The following RUNX1 variants were observed in gnomAD, a reference collection of about 807,000 sequenced individuals.
The protein encoded by RUNX1 is RUNX family transcription factor 1, also known as runt-related transcription factor 1.
In RUNX1, 19 loss-of-function variants were observed where a neutral mutation model predicts 42.8. That is an observed-to-expected ratio of 0.44 (90% CI 0.31 to 0.65). The LOEUF (loss-of-function observed/expected upper bound fraction) is 0.65. RUNX1 is among the 30% of genes least tolerant of loss of function. The pLI is 0.07. For synonymous variants in RUNX1, 271 were observed against 289.4 expected, an observed-to-expected ratio of 0.94 and a Z score of 0.64; for missense variants, 528 against 672.0, an observed-to-expected ratio of 0.79 and a Z score of 2.37.
chr21:34,849,422 T>C (rs866659972), intron 6 of RUNX1, among the ~76,000 whole-genome samples: 1 of 73,354 alleles, frequency 1.4e-5, no homozygotes, highest in Non-Finnish European at 2.5e-5. Context: ...ATATATTATA[T>C]AGTATATATA....
chr21:34,941,248 C>T (rs2058524406), intron 2 of RUNX1, among the ~76,000 whole-genome samples: 1 of 152,216 alleles, frequency 6.6e-6, no homozygotes, highest in African/African-American at 2.4e-5. Context: ...GTGGTAGGAG[C>T]AGAGGGAGCT....
chr21:34,856,420 T>G, intron 6 of RUNX1: 1 of 518,902 alleles, frequency 1.9e-6, no homozygotes, highest in Non-Finnish European at 3.8e-6. Context: ...ATTTTAAATG[T>G]GAGGATACCG....
At chr21:34,921,821 A>G (rs894675427) in intron 2 of RUNX1, among the ~76,000 whole-genome samples, 4 of 151,820 alleles carry the variant, frequency 2.6e-5, no homozygotes, top group African/African-American at 9.7e-5. Context: ...TTTAGTGGAG[A>G]TGGAGTTTCA....
chr21:35,019,053 G>A (rs1239272280), intron 2 of RUNX1, among the ~76,000 whole-genome samples: 1 of 152,190 alleles, frequency 6.6e-6, no homozygotes, highest in Non-Finnish European at 1.5e-5. Context: ...AGTCTCCATA[G>A]GTCTCTACTG....
intron 3 of RUNX1, chr21:34,888,799 T>G (rs1484600526): frequency 1.7e-6 from 1 of 577,230 alleles, no homozygotes; most frequent in East Asian, 8.3e-5. Context: ...CACAGGCCTT[T>G]CCGGTATCAG....
At chr21:34,857,477 T>C (rs764745295) in intron 6 of RUNX1, among the ~76,000 whole-genome samples, 17 of 152,178 alleles carry the variant, frequency 1.1e-4, no homozygotes, top group Non-Finnish European at 2.1e-4. Flanking sequence ...AACCCAGCCT[T>C]CTTTATGCAT....
intron 2 of RUNX1, among the ~76,000 whole-genome samples, chr21:35,003,120 A>C (rs181623948): frequency 6.6e-6 from 1 of 152,126 alleles, no homozygotes; most frequent in Admixed American, 6.5e-5. Flanking sequence ...CACATCATCA[A>C]CTCTCCTTCC....
Position 34,792,951 on chromosome 21 carries a change from G to C in RUNX1, c.968-341C>G, listed in dbSNP as rs1347652984. Among the ~76,000 whole-genome samples the C allele has an allele frequency of 6.7e-6, 1 of 150,222 alleles. No individual in the cohort carries two copies. Among genetic ancestry groups the C allele is most frequent in the African/African-American group, 2.5e-5 (1 of 40,704 alleles). ...CCACTCAGGATGCCACCTCCTGAGA[G>C]GACGGAGACCACCCAGGATGACACC... is the stretch of plus-strand genomic sequence containing the variant. On this transcript the variant is annotated intron_variant, in intron 8 of 8. Coordinates refer to ENST00000675419, the MANE Select transcript of RUNX1 (RefSeq NM_001754.5). This position sits in a 1 kb window ranked among gnomAD's most constrained non-coding sequence, Gnocchi z 6.9.
intron 7 of RUNX1, among the ~76,000 whole-genome samples, chr21:34,804,724 T>A (rs2145928016): frequency 6.7e-6 from 1 of 149,530 alleles, no homozygotes; most frequent in Non-Finnish European, 1.5e-5. Context: ...ATGGATGATG[T>A]AGGCAGGGAG....
chr21:34,867,374 A>G (rs1012725078), intron 5 of RUNX1, among the ~76,000 whole-genome samples: 7 of 152,232 alleles, frequency 4.6e-5, no homozygotes, highest in Admixed American at 1.3e-4. Flanking sequence ...CAGGAGGCGG[A>G]GGTTGCAGTG....
intron 2 of RUNX1, among the ~76,000 whole-genome samples, chr21:34,947,647 G>A (rs2058573921): frequency 6.6e-6 from 1 of 152,180 alleles, no homozygotes; most frequent in African/African-American, 2.4e-5. Context: ...GGTATAAATA[G>A]TTTTCACAGA....
intron 2 of RUNX1, among the ~76,000 whole-genome samples, chr21:34,946,754 G>A (rs2058566145): frequency 2.6e-5 from 4 of 152,114 alleles, no homozygotes; most frequent in Admixed American, 2.6e-4. Flanking sequence ...TGGATGGGGT[G>A]GCAGTCATAA....
intron 6 of RUNX1, among the ~76,000 whole-genome samples, chr21:34,846,785 C>G (rs2057323621): frequency 6.6e-6 from 1 of 152,166 alleles, no homozygotes; most frequent in Non-Finnish European, 1.5e-5. Context: ...ACTCAGCTAC[C>G]TATTTATTTT....
intron 2 of RUNX1, among the ~76,000 whole-genome samples, chr21:34,930,709 T>G (rs916291000): frequency 5.8e-5 from 3 of 51,912 alleles, no homozygotes; most frequent in Admixed American, 1.6e-4. Context: ...ACACACTCTC[T>G]CTCTCTCTCT....
chr21:34,912,936 A>C (rs546045693), intron 2 of RUNX1, among the ~76,000 whole-genome samples: 1 of 152,318 alleles, frequency 6.6e-6, no homozygotes, highest in Non-Finnish European at 1.5e-5. Flanking sequence ...GCAGGCATAG[A>C]AATGGCAGGA....
At chr21:34,807,546 T>C (rs1008063322) in intron 7 of RUNX1, among the ~76,000 whole-genome samples, 10 of 152,158 alleles carry the variant, frequency 6.6e-5, no homozygotes, top group African/African-American at 1.9e-4. Flanking sequence ...GGGGCAGCCC[T>C]GGTTATTTCC....
chr21:34,943,555 A>G (rs1219147769), intron 2 of RUNX1, among the ~76,000 whole-genome samples: 2 of 152,248 alleles, frequency 1.3e-5, no homozygotes, highest in African/African-American at 4.8e-5. Flanking sequence ...AGAAGTTGTT[A>G]TAGAAAGCCA....
intron 2 of RUNX1, among the ~76,000 whole-genome samples, chr21:35,017,382 A>T (rs113719689): frequency 1.9e-4 from 29 of 152,162 alleles, no homozygotes; most frequent in African/African-American, 6.8e-4. Flanking sequence ...AGGGTGCCGA[A>T]AGGAGAGTGG....
intron 5 of RUNX1, among the ~76,000 whole-genome samples, chr21:34,870,981 A>G (rs1483041500): frequency 6.6e-6 from 1 of 152,008 alleles, no homozygotes; most frequent in Admixed American, 6.6e-5. Flanking sequence ...ACAAAAAAAC[A>G]AACAGTCCTG....
Sources: gnomAD v4.1 joint callset for allele counts (sites outside exome capture counted in the v4.1 genomes callset) on GRCh38, gnomAD v4.1.1 for gene constraint, Gnocchi (gnomAD v3.1) non-coding constraint, MANE v1.5 for transcripts, NCBI Gene and HGNC (gene_info 2026-07-23, HGNC 2026-07-21) for gene names.